ZHX2: variants seen among roughly 807,000 people sequenced by gnomAD.
ZHX2 encodes zinc fingers and homeoboxes protein 2.
In ZHX2, 6 loss-of-function variants were observed where a neutral mutation model predicts 21.9. The observed-to-expected ratio is 0.27, with a 90% CI of 0.15 to 0.54. ZHX2 has a LOEUF of 0.54. Among genes scored for constraint, ZHX2 ranks in the 20% least tolerant of loss-of-function variants. ZHX2 has a pLI of 0.95. For synonymous variants in ZHX2, 434 were observed against 437.1 expected (o/e 0.99, Z 0.09); for missense variants, 908 against 1,090.7 (o/e 0.83, Z 2.36).
At chr8:122,858,461 CT>C (rs1233299123) in intron 1 of ZHX2, among the ~76,000 whole-genome samples, 1 of 152,084 alleles carries the variant, frequency 6.6e-6, no homozygotes, top group Non-Finnish European at 1.5e-5. Flanking sequence ...TATGCGGGGA[CT>C]CATGGGGAAA....
At chr8:122,863,779 C>T (rs960968622) in intron 2 of ZHX2, among the ~76,000 whole-genome samples, 2 of 152,190 alleles carry the variant, frequency 1.3e-5, no homozygotes, top group Non-Finnish European at 2.9e-5. Flanking sequence ...ACTGTCCTCC[C>T]TCTGCTCTGA....
intron 1 of ZHX2, among the ~76,000 whole-genome samples, chr8:122,840,680 C>T (rs1818603767): frequency 6.6e-6 from 1 of 152,214 alleles, no homozygotes; most frequent in South Asian, 2.1e-4. Flanking sequence ...ATTGTCATTA[C>T]TGTTGGGTTT....
intron 2 of ZHX2, among the ~76,000 whole-genome samples, chr8:122,873,949 T>C (rs932976561): frequency 3.3e-5 from 5 of 152,208 alleles, no homozygotes; most frequent in African/African-American, 1.2e-4. Flanking sequence ...TTCATTGGCT[T>C]CCTACATCTT....
intron 1 of ZHX2, among the ~76,000 whole-genome samples, chr8:122,787,344 G>A (rs1024473592): frequency 6.6e-6 from 1 of 152,044 alleles, no homozygotes. Flanking sequence ...GATTAATCTT[G>A]TTACACATTG....
At chr8:122,882,819 T>C (rs1819745660) in intron 2 of ZHX2, among the ~76,000 whole-genome samples, 1 of 151,982 alleles carries the variant, frequency 6.6e-6, no homozygotes, top group Non-Finnish European at 1.5e-5. Context: ...CCATCTCTAC[T>C]AAAAATACAA....
intron 2 of ZHX2, among the ~76,000 whole-genome samples, chr8:122,909,575 G>A (rs544619874): frequency 7.2e-5 from 11 of 152,164 alleles, no homozygotes; most frequent in Non-Finnish European, 1.3e-4. Context: ...CTCGCCTTGG[G>A]GCTGGACAGA....
chr8:122,906,504 T>C (rs940322199), intron 2 of ZHX2, among the ~76,000 whole-genome samples: 8 of 152,150 alleles, frequency 5.3e-5, no homozygotes, highest in African/African-American at 1.7e-4. Context: ...ATGCATCTAG[T>C]GCCATCCCTT....
chr8:122,876,849 A>G (rs1012648854), intron 2 of ZHX2, among the ~76,000 whole-genome samples: 4 of 152,200 alleles, frequency 2.6e-5, no homozygotes, highest in Non-Finnish European at 5.9e-5. Context: ...GCAAGGAGCC[A>G]TCTGTCCCAC....
intron 2 of ZHX2, among the ~76,000 whole-genome samples, chr8:122,924,298 C>T (rs1249104481): frequency 6.6e-6 from 1 of 152,204 alleles, no homozygotes; most frequent in Non-Finnish European, 1.5e-5. Flanking sequence ...GCCATCTTCT[C>T]TCAGTGGCTC....
At chr8:122,916,412 C>T (rs1266495686) in intron 2 of ZHX2, among the ~76,000 whole-genome samples, 3 of 152,234 alleles carry the variant, frequency 2.0e-5, no homozygotes, top group Non-Finnish European at 4.4e-5. Context: ...ATCCTGGGAA[C>T]GCTCTGATCA....
chr8:122,944,451 G>A (rs1167852701), intron 2 of ZHX2, among the ~76,000 whole-genome samples: 1 of 151,982 alleles, frequency 6.6e-6, no homozygotes, highest in Non-Finnish European at 1.5e-5. Context: ...ATTAAGTATA[G>A]CCTCCTCTCT....
At chr8:122,970,015 T>A (rs1813679555) in intron 3 of ZHX2, among the ~76,000 whole-genome samples, 1 of 151,974 alleles carries the variant, frequency 6.6e-6, no homozygotes, top group South Asian at 2.1e-4. Flanking sequence ...AGGCAGTGGG[T>A]TCCTGTCCTG....
chr8:122,909,851 C>A (rs941610368), intron 2 of ZHX2, among the ~76,000 whole-genome samples: 1 of 152,226 alleles, frequency 6.6e-6, no homozygotes, highest in African/African-American at 2.4e-5. Context: ...TCCTGGAAGG[C>A]AGGGGTCTCC....
chr8:122,795,048 T>A (rs890409481), intron 1 of ZHX2, among the ~76,000 whole-genome samples: 3 of 152,240 alleles, frequency 2.0e-5, no homozygotes, highest in South Asian at 2.1e-4. Context: ...TGTCTCCGTG[T>A]TCCCAGCACC....
At chr8:122,836,793 C>T (rs748221242) in intron 1 of ZHX2, among the ~76,000 whole-genome samples, 3 of 152,222 alleles carry the variant, frequency 2.0e-5, no homozygotes, top group East Asian at 1.9e-4. Context: ...GCAAGGCTTG[C>T]GCCTTGGTAC....
intron 2 of ZHX2, among the ~76,000 whole-genome samples, chr8:122,947,649 A>C (rs2130251822): frequency 6.6e-6 from 1 of 152,206 alleles, no homozygotes; most frequent in Non-Finnish European, 1.5e-5. Context: ...AGTGCTAAGG[A>C]GGCATTGTTT....
chr8:122,968,504 C>A lies in ZHX2; in HGVS notation c.*5-4738C>A, dbSNP rs913555760. Among the ~76,000 whole-genome samples, 3 of 152,134 alleles carry A rather than the reference C, an allele frequency of 2.0e-5. No individual in the cohort carries two copies. The South Asian group carries it at 6.2e-4, about 32-fold the overall frequency. On this transcript the variant is annotated intron_variant, in intron 3 of 3. Transcript: ENST00000314393. ...AATTCTAGTTAAAAATCAGACTGTG[C>A]CCCCTACCCTCAATAAAAGAAATGA...
intron 3 of ZHX2, among the ~76,000 whole-genome samples, chr8:122,970,932 C>G (rs1813704895): frequency 6.6e-6 from 1 of 152,178 alleles, no homozygotes; most frequent in African/African-American, 2.4e-5. Context: ...CATGGAGAGG[C>G]TGTGCATGAC....
intron 2 of ZHX2, among the ~76,000 whole-genome samples, chr8:122,930,974 G>A (rs1820976282): frequency 6.6e-6 from 1 of 152,072 alleles, no homozygotes; most frequent in African/African-American, 2.4e-5. Flanking sequence ...GTGTTATCAT[G>A]GGAGGCCTCC....
Sources: gnomAD v4.1 joint callset for allele counts (sites outside exome capture counted in the v4.1 genomes callset) on GRCh38, gnomAD v4.1.1 for gene constraint, MANE v1.5 for transcripts, NCBI Gene and HGNC (gene_info 2026-07-23, HGNC 2026-07-21) for gene names.